The following SMIM10L3 variants were observed in gnomAD, a reference collection of about 807,000 sequenced individuals.
SMIM10L3 encodes salivary gland specific protein SAGSIN1.
At chr7:6,330,513 G>A in the SMIM10L3 span, 388,183 of 1,613,604 alleles carry the variant, frequency 0.24, 56,940 homozygotes, top group African/African-American at 0.63. Flanking sequence ...GCTTTAAACG[G>A]TCAAGGAAAA....
chr7:6,342,224 TTCTC>T, the SMIM10L3 span, among the ~76,000 whole-genome samples: 3 of 151,772 alleles, frequency 2.0e-5, no homozygotes, highest in Admixed American at 6.6e-5. Flanking sequence ...TACTTTCTCT[TTCTC>T]TCTCTCTCTT....
chr7:6,343,132 C>T, the SMIM10L3 span, among the ~76,000 whole-genome samples: 1 of 151,138 alleles, frequency 6.6e-6, no homozygotes, highest in African/African-American at 2.4e-5. Context: ...ATCCCAGCAC[C>T]TTGGGAGGCC....
chr7:6,332,995 T>C, the SMIM10L3 span, among the ~76,000 whole-genome samples: 100 of 151,656 alleles, frequency 6.6e-4, 1 homozygote, highest in East Asian at 0.012. Flanking sequence ...CCTGTCTCTA[T>C]CAAAAATAGA....
chr7:6,344,086 T>C, the SMIM10L3 span, among the ~76,000 whole-genome samples: 3 of 151,556 alleles, frequency 2.0e-5, no homozygotes, highest in African/African-American at 7.3e-5. Context: ...TGTCTCACTA[T>C]GTTGCCCAGG....
At chr7:6,348,850 G>A in the SMIM10L3 span, 4 of 391,802 alleles carry the variant, frequency 1.0e-5, no homozygotes, top group South Asian at 2.8e-4. Context: ...CTCAGGGAGC[G>A]AAGGAGGCGG....
chr7:6,343,396 TCATATATATATATATATATA>T, the SMIM10L3 span, among the ~76,000 whole-genome samples: 6 of 76,904 alleles, frequency 7.8e-5, no homozygotes, highest in African/African-American at 3.2e-4. Context: ...AATAATAATT[TCATATATATATATATATATA>T]TATATATATA....
the SMIM10L3 span, among the ~76,000 whole-genome samples, chr7:6,347,928 G>T: frequency 1.1e-5 from 1 of 91,196 alleles, no homozygotes; most frequent in African/African-American, 3.9e-5. Flanking sequence ...TATTATTATT[G>T]AGATGGAGTT....
At chr7:6,343,397 CATATATATATATAT>C in the SMIM10L3 span, among the ~76,000 whole-genome samples, 902 of 86,966 alleles carry the variant, frequency 0.01, 16 homozygotes, top group Middle Eastern at 0.023. Context: ...ATAATAATTT[CATATATATATATAT>C]ATATATATAT....
the SMIM10L3 span, among the ~76,000 whole-genome samples, chr7:6,338,298 C>T: frequency 3.9e-5 from 6 of 151,990 alleles, no homozygotes; most frequent in Admixed American, 6.6e-5. Context: ...ATATATTGTA[C>T]CAGATAAAAT....
the SMIM10L3 span, chr7:6,338,567 G>C: frequency 6.6e-6 from 1 of 152,386 alleles, no homozygotes; most frequent in Non-Finnish European, 1.5e-5. Context: ...TGAACACAAA[G>C]CCAGGGAGGT....
At chr7:6,342,663 G>A in the SMIM10L3 span, among the ~76,000 whole-genome samples, 3 of 152,126 alleles carry the variant, frequency 2.0e-5, no homozygotes, top group South Asian at 2.1e-4. Context: ...GCAAATGTTC[G>A]TAGTAACATT....
At chr7:6,341,220 A>AGATC in the SMIM10L3 span, among the ~76,000 whole-genome samples, 1 of 151,384 alleles carries the variant, frequency 6.6e-6, no homozygotes, top group Non-Finnish European at 1.5e-5. Flanking sequence ...CAAGGAGGGT[A>AGATC]GATCAGGAGG....
chr7:6,332,222 C>A, the SMIM10L3 span, among the ~76,000 whole-genome samples: 1 of 152,044 alleles, frequency 6.6e-6, no homozygotes, highest in Non-Finnish European at 1.5e-5. Flanking sequence ...TAGGGACCAG[C>A]ACCTTCATTG....
At chr7:6,335,531 C>A in the SMIM10L3 span, among the ~76,000 whole-genome samples, 2 of 113,290 alleles carry the variant, frequency 1.8e-5, no homozygotes, top group African/African-American at 8.0e-5. Flanking sequence ...CCCAGCCTAG[C>A]CGTTAATATG....
At chr7:6,348,367 T>C in the SMIM10L3 span, among the ~76,000 whole-genome samples, 3 of 152,274 alleles carry the variant, frequency 2.0e-5, no homozygotes, top group South Asian at 6.2e-4. Context: ...GGCAAGTCGC[T>C]TAACCTGACC....
the SMIM10L3 span, among the ~76,000 whole-genome samples, chr7:6,335,233 T>G: frequency 1.2e-5 from 1 of 83,534 alleles, no homozygotes; most frequent in South Asian, 3.9e-4. Flanking sequence ...CAGCTATTTT[T>G]TTTTTTTAAA....
the SMIM10L3 span, chr7:6,330,504 C>G: frequency 6.2e-7 from 1 of 1,614,046 alleles, no homozygotes; most frequent in African/African-American, 1.3e-5. Context: ...AAAACATGGG[C>G]TTTAAACGGT....
At chr7:6,348,811 G>T in the SMIM10L3 span, 2 of 395,388 alleles carry the variant, frequency 5.1e-6, no homozygotes, top group Non-Finnish European at 8.9e-6. Flanking sequence ...GCGCCGCGTC[G>T]CCCCGGCAGC....
the SMIM10L3 span, among the ~76,000 whole-genome samples, chr7:6,335,983 G>T: frequency 6.6e-6 from 1 of 152,108 alleles, no homozygotes; most frequent in East Asian, 1.9e-4. Flanking sequence ...GATCAGCCTG[G>T]TCTACACGGT....
Sources: gnomAD v4.1 joint callset for allele counts (sites outside exome capture counted in the v4.1 genomes callset) on GRCh38, gnomAD v4.1.1 for gene constraint, MANE v1.5 for transcripts, NCBI Gene and HGNC (gene_info 2026-07-23, HGNC 2026-07-21) for gene names.